Variants in CCBE1 observed in about 807,000 individuals in gnomAD.
CCBE1 encodes the protein collagen and calcium binding EGF domains 1.
A neutral mutation model predicts 50.0 loss-of-function variants in CCBE1; 37 were observed. The ratio of observed to expected loss-of-function variants is 0.74; its 90% CI spans 0.57 to 0.97. The LOEUF is 0.97. CCBE1 is among the 50% of genes least tolerant of loss of function. The pLI is 0.00. For synonymous variants in CCBE1, 234 were observed against 203.7 expected (o/e 1.15, Z -1.27); for missense variants, 538 against 523.8 (o/e 1.03, Z -0.26).
At chr18:59,537,973 A>G (rs190937220) in intron 2 of CCBE1, among the ~76,000 whole-genome samples, 2 of 152,370 alleles carry the variant, frequency 1.3e-5, no homozygotes, top group African/African-American at 2.4e-5. Flanking sequence ...CTCCTTGAAG[A>G]GTACATAGCA....
At chr18:59,519,866 G>T (rs983250697) in intron 2 of CCBE1, among the ~76,000 whole-genome samples, 54 of 152,208 alleles carry the variant, frequency 3.5e-4, no homozygotes, top group African/African-American at 1.3e-3. Context: ...TAAGGAAGGG[G>T]TTCAGTTTCA....
At chr18:59,612,935 A>G (rs1330694674) in intron 2 of CCBE1, among the ~76,000 whole-genome samples, 1 of 150,894 alleles carries the variant, frequency 6.6e-6, no homozygotes, top group Non-Finnish European at 1.5e-5. Context: ...TGGGAAGGCA[A>G]GACTCACACA....
intron 2 of CCBE1, among the ~76,000 whole-genome samples, chr18:59,573,312 T>TATATATA (rs1392749747): frequency 1.1e-4 from 15 of 141,520 alleles, no homozygotes; most frequent in Non-Finnish European, 1.7e-4. Flanking sequence ...TGTATGTATG[T>TATATATA]GATAGGCCTC....
At chr18:59,521,022 A>G (rs1244619470) in intron 2 of CCBE1, among the ~76,000 whole-genome samples, 1 of 152,238 alleles carries the variant, frequency 6.6e-6, no homozygotes, top group African/African-American at 2.4e-5. Flanking sequence ...GAATGCTGAA[A>G]TTCTCCAGTT....
chr18:59,551,577 T>C (rs1219713252), intron 2 of CCBE1, among the ~76,000 whole-genome samples: 1 of 152,246 alleles, frequency 6.6e-6, no homozygotes, highest in Non-Finnish European at 1.5e-5. Flanking sequence ...CCCTGTCCTA[T>C]ATGCGGTCCA....
At chr18:59,692,995 CACACACACAA>C in intron 2 of CCBE1, among the ~76,000 whole-genome samples, 1 of 131,418 alleles carries the variant, frequency 7.6e-6, no homozygotes, top group Admixed American at 7.5e-5. Context: ...CACACACACA[CACACACACAA>C]ACAAAAAACG....
At chr18:59,488,571 A>C (rs1352730629) in intron 2 of CCBE1, among the ~76,000 whole-genome samples, 1 of 152,182 alleles carries the variant, frequency 6.6e-6, no homozygotes, top group African/African-American at 2.4e-5. Context: ...ATCTTTTCAT[A>C]AATTAATCAA....
Position 59,481,008 on chromosome 18 carries a change from A to G in CCBE1, c.213-770T>C, listed in dbSNP as rs1334547766. Among the ~76,000 whole-genome samples the G allele has an allele frequency of 2.0e-5, 3 of 152,332 alleles. No individual in the cohort carries two copies. The East Asian group carries it at 5.8e-4, about 29-fold the overall frequency. ...CCCATTCTCAAAGAGAAGACAATCA[A>G]TGCTGCAATCTCCAAAATAACCTAT... On this transcript the variant is annotated intron_variant, in intron 2 of 10. Transcript: ENST00000439986.
chr18:59,557,995 G>A (rs568433293), intron 2 of CCBE1, among the ~76,000 whole-genome samples: 10 of 152,262 alleles, frequency 6.6e-5, no homozygotes, highest in African/African-American at 2.4e-4. Flanking sequence ...GACATAACAT[G>A]GTAAGTGTGG....
At chr18:59,523,674 AGACAATC>A (rs1312041718) in intron 2 of CCBE1, among the ~76,000 whole-genome samples, 2 of 152,166 alleles carry the variant, frequency 1.3e-5, no homozygotes, top group Non-Finnish European at 2.9e-5. Context: ...TTTATTTTGA[AGACAATC>A]ATGAGTAGGT....
chr18:59,685,268 CATGAGGAGTGT>C (rs2054640355), intron 2 of CCBE1, among the ~76,000 whole-genome samples: 3 of 152,136 alleles, frequency 2.0e-5, no homozygotes, highest in African/African-American at 7.2e-5. Context: ...ACCAAGAACT[CATGAGGAGTGT>C]CCTATCCTTG....
chr18:59,460,803 C>T (rs1381462898), intron 5 of CCBE1, among the ~76,000 whole-genome samples: 4 of 151,930 alleles, frequency 2.6e-5, no homozygotes, highest in Admixed American at 1.3e-4. Flanking sequence ...GGCATGGTGG[C>T]GCACGTCTGT....
chr18:59,655,000 TC>T (rs2054170211), intron 2 of CCBE1, among the ~76,000 whole-genome samples: 1 of 148,468 alleles, frequency 6.7e-6, no homozygotes, highest in Non-Finnish European at 1.5e-5. Context: ...GGCAGGACAA[TC>T]ACTTAAACCT....
At chr18:59,517,938 T>C (rs1157983317) in intron 2 of CCBE1, among the ~76,000 whole-genome samples, 2 of 152,210 alleles carry the variant, frequency 1.3e-5, no homozygotes, top group Admixed American at 1.3e-4. Flanking sequence ...TCCAGAATTG[T>C]TGGGCACAGG....
chr18:59,678,285 G>C (rs140165026), intron 2 of CCBE1, among the ~76,000 whole-genome samples: 53 of 152,298 alleles, frequency 3.5e-4, no homozygotes, highest in African/African-American at 1.2e-3. Flanking sequence ...AGGACAGAAG[G>C]ACCAGGGGGG....
At chr18:59,530,082 T>G (rs1914989869) in intron 2 of CCBE1, among the ~76,000 whole-genome samples, 1 of 152,188 alleles carries the variant, frequency 6.6e-6, no homozygotes, top group South Asian at 2.1e-4. Context: ...ATGCTGCTGT[T>G]CTAGTTTGAG....
chr18:59,691,189 A>G (rs1317931764), intron 2 of CCBE1, among the ~76,000 whole-genome samples: 2 of 152,236 alleles, frequency 1.3e-5, no homozygotes, highest in Non-Finnish European at 2.9e-5. Flanking sequence ...TATGTATTGA[A>G]CAACCTCTCT....
chr18:59,551,030 G>GAAAAAAAAAAAAAAAAAAAAAAAA, intron 2 of CCBE1, among the ~76,000 whole-genome samples: 1 of 83,804 alleles, frequency 1.2e-5, no homozygotes, highest in African/African-American at 4.3e-5. Flanking sequence ...AAAAAAAAAA[G>GAAAAAAAAAAAAAAAAAAAAAAAA]AAAAGAAAAG....
chr18:59,647,208 C>T (rs2054066488), intron 2 of CCBE1, among the ~76,000 whole-genome samples: 1 of 152,118 alleles, frequency 6.6e-6, no homozygotes, highest in African/African-American at 2.4e-5. Flanking sequence ...CCACATTAAG[C>T]AACAGAACAA....
Sources: gnomAD v4.1 joint callset for allele counts (sites outside exome capture counted in the v4.1 genomes callset) on GRCh38, gnomAD v4.1.1 for gene constraint, MANE v1.5 for transcripts, NCBI Gene and HGNC (gene_info 2026-07-23, HGNC 2026-07-21) for gene names.